CLASP1: variants seen among roughly 807,000 people sequenced by gnomAD.
CLASP1 encodes cytoplasmic linker associated protein 1, also known as CLIP-associating protein 1.
In CLASP1, 38 loss-of-function variants were observed where a neutral mutation model predicts 192.3. That is an observed-to-expected ratio of 0.20 (90% CI 0.15 to 0.26). The LOEUF is 0.26. Among genes scored for constraint, CLASP1 ranks in the 10% least tolerant of loss-of-function variants. CLASP1 has a pLI of 1.00. For synonymous variants in CLASP1, 691 were observed against 712.8 expected, an observed-to-expected ratio of 0.97 and a Z score of 0.49; for missense variants, 1,433 against 1,932.5, an observed-to-expected ratio of 0.74 and a Z score of 4.85.
chr2:121,386,975 A>C, intron 32 of CLASP1, 147 bp downstream of exon 33: 3 of 677,100 alleles, frequency 4.4e-6, no homozygotes, highest in Admixed American at 2.4e-5. Context: ...TACAGTTACA[A>C]TTTGAGTGAG....
At chr2:121,539,995 C>A (rs2095194117) in intron 2 of CLASP1, among the ~76,000 whole-genome samples, 1 of 152,234 alleles carries the variant, frequency 6.6e-6, no homozygotes, top group African/African-American at 2.4e-5. Flanking sequence ...AACTCTCCTA[C>A]ATGCTAGCAG....
chr2:121,471,671 AG>A (rs2090759880), intron 8 of CLASP1, among the ~76,000 whole-genome samples: 1 of 152,138 alleles, frequency 6.6e-6, no homozygotes, highest in African/African-American at 2.4e-5. Context: ...TATTCAACAC[AG>A]CGTAGGGGGA....
At chr2:121,537,004 G>GT (rs1575784193) in intron 2 of CLASP1, among the ~76,000 whole-genome samples, 2 of 152,174 alleles carry the variant, frequency 1.3e-5, no homozygotes, top group South Asian at 2.1e-4. Context: ...TGAAGCTTGT[G>GT]TTATGGGGCA....
chr2:121,370,846 T>C (rs1288615351), intron 34 of CLASP1, among the ~76,000 whole-genome samples: 1 of 152,174 alleles, frequency 6.6e-6, no homozygotes, highest in African/African-American at 2.4e-5. Context: ...ATTTCACTTC[T>C]TTCAACTCTC....
intron 19 of CLASP1, among the ~76,000 whole-genome samples, chr2:121,444,127 T>A (rs2083875955): frequency 1.3e-5 from 2 of 152,240 alleles, no homozygotes; most frequent in African/African-American, 4.8e-5. Context: ...TATTGCCTTA[T>A]ATGCACTTAT....
chr2:121,497,566 C>T (rs2093583295), intron 8 of CLASP1, among the ~76,000 whole-genome samples: 2 of 151,986 alleles, frequency 1.3e-5, no homozygotes, highest in South Asian at 4.2e-4. Context: ...TATGTGTAAC[C>T]AGGGAAAAAG....
At chr2:121,611,797 G>C (rs1295564044) in intron 1 of CLASP1, among the ~76,000 whole-genome samples, 1 of 149,308 alleles carries the variant, frequency 6.7e-6, no homozygotes, top group East Asian at 2.0e-4. Flanking sequence ...AGAGGAACTG[G>C]AGGATGATGA....
At chr2:121,426,240 C>T (rs973374766) in intron 21 of CLASP1, among the ~76,000 whole-genome samples, 1 of 151,980 alleles carries the variant, frequency 6.6e-6, no homozygotes, top group Non-Finnish European at 1.5e-5. Flanking sequence ...CAATACACCA[C>T]AAACAAAAAC....
At chr2:121,451,879 T>C (rs758098871) in intron 14 of CLASP1, 30 bp from the exon 15 acceptor site, 4 of 1,452,164 alleles carry the variant, frequency 2.8e-6, no homozygotes, top group African/African-American at 2.8e-5. Flanking sequence ...ACACAACTTA[T>C]TAATACATAT....
exon 2 of CLASP1, chr2:121,605,770 A>T: frequency 2.5e-6 from 4 of 1,614,054 alleles, no homozygotes; most frequent in Non-Finnish European, 3.4e-6. Context: ...TGGTCTGGTC[A>T]TGCTCAAGGT....
chr2:121,498,339 C>G (rs1436674475), intron 8 of CLASP1, among the ~76,000 whole-genome samples: 1 of 151,946 alleles, frequency 6.6e-6, no homozygotes, highest in East Asian at 1.9e-4. Context: ...ACCCCCCCAG[C>G]TGGGACTACA....
chr2:121,609,480 ACTTATT>A (rs1452669474), intron 1 of CLASP1, among the ~76,000 whole-genome samples: 5 of 152,082 alleles, frequency 3.3e-5, no homozygotes, highest in African/African-American at 1.2e-4. Flanking sequence ...TCTCTCTTAC[ACTTATT>A]CTTATTAAAC....
intron 38 of CLASP1, 96 bp downstream of exon 39, chr2:121,348,416 C>A: frequency 8.8e-7 from 1 of 1,139,208 alleles, no homozygotes; most frequent in Non-Finnish European, 1.2e-6. Context: ...CCTACCCGTC[C>A]CTGCCAGTGA....
Position 121,558,270 on chromosome 2 carries a change from T to C in CLASP1, c.196-27945A>G, listed in dbSNP as rs147237921. Among the ~76,000 whole-genome samples the C allele has an allele frequency of 7.9e-5, 12 of 152,150 alleles. No homozygotes were observed. The East Asian group carries it at 1.9e-3, about 25-fold the overall frequency. The stretch of plus-strand genomic sequence containing the variant: ...GCCCAATGGACTGGCCTGTCCCTCA[T>C]AGAAACCACTAATCTAAAATGAAAG... On this transcript the variant is annotated intron_variant, in intron 2 of 39. Coordinates refer to ENST00000263710, the Ensembl canonical transcript of CLASP1.
intron 34 of CLASP1, among the ~76,000 whole-genome samples, chr2:121,368,850 A>G (rs1225641556): frequency 6.6e-6 from 1 of 152,186 alleles, no homozygotes. Context: ...CATTTTGATC[A>G]TTCCTAACAT....
chr2:121,610,883 C>T (rs1325634940), intron 1 of CLASP1, among the ~76,000 whole-genome samples: 2 of 26,994 alleles, frequency 7.4e-5, no homozygotes, highest in Non-Finnish European at 1.5e-4. Flanking sequence ...GGAGAGCTGG[C>T]GGAGGAAGAG....
At chr2:121,632,839 T>C (rs2069979032) in intron 1 of CLASP1, among the ~76,000 whole-genome samples, 1 of 150,548 alleles carries the variant, frequency 6.6e-6, no homozygotes, top group African/African-American at 2.5e-5. Context: ...GAGGTTGCGG[T>C]GAGCCAAGAT....
chr2:121,464,537 C>T (rs1326113659), intron 9 of CLASP1, among the ~76,000 whole-genome samples: 2 of 152,068 alleles, frequency 1.3e-5, no homozygotes, highest in Non-Finnish European at 2.9e-5. Context: ...TGATTGCCAT[C>T]CTAACTGGTG....
At chr2:121,459,068 T>C in intron 12 of CLASP1, 93 bp from the exon 13 acceptor site, 1 of 930,654 alleles carries the variant, frequency 1.1e-6, no homozygotes, top group Non-Finnish European at 1.5e-6. Context: ...TCATTTAAAG[T>C]TATCTAGAAA....
Sources: allele counts gnomAD v4.1 joint callset (sites outside exome capture counted in the v4.1 genomes callset), GRCh38; gene constraint gnomAD v4.1.1; transcripts MANE v1.5; gene names NCBI Gene and HGNC (gene_info 2026-07-23, HGNC 2026-07-21).